Variants in ATXN2 observed in about 807,000 individuals in gnomAD.
ATXN2 encodes ataxin-2.
In ATXN2, 37 loss-of-function variants were observed where a neutral mutation model predicts 138.6. The observed-to-expected ratio is 0.27, with a 90% CI of 0.21 to 0.35. The LOEUF is 0.35. ATXN2 is among the 10% of genes least tolerant of loss of function. The pLI is 1.00. For synonymous variants in ATXN2, 549 were observed against 543.7 expected, an observed-to-expected ratio of 1.01 and a Z score of -0.13; for missense variants, 1,216 against 1,480.3, an observed-to-expected ratio of 0.82 and a Z score of 2.93.
intron 1 of ATXN2, among the ~76,000 whole-genome samples, chr12:111,578,093 A>G (rs1002779933): frequency 6.6e-6 from 1 of 152,148 alleles, no homozygotes; most frequent in Non-Finnish European, 1.5e-5. Context: ...GCTATTCAGG[A>G]GGTTGAGGCA....
intron 5 of ATXN2, among the ~76,000 whole-genome samples, chr12:111,535,999 C>CAAAAA (rs766582583): frequency 1.4e-4 from 9 of 65,826 alleles, no homozygotes; most frequent in African/African-American, 3.3e-4. Context: ...GACTCCGTCT[C>CAAAAA]AAAAAAAAAA....
chr12:111,466,803 T>C (rs1166343155), intron 20 of ATXN2, among the ~76,000 whole-genome samples: 1 of 152,196 alleles, frequency 6.6e-6, no homozygotes, highest in East Asian at 1.9e-4. Context: ...TGTTCTTCTG[T>C]TTGCATTAAA....
intron 7 of ATXN2, among the ~76,000 whole-genome samples, chr12:111,520,308 T>G (rs1436140006): frequency 6.6e-6 from 1 of 152,228 alleles, no homozygotes; most frequent in Non-Finnish European, 1.5e-5. Context: ...CTGGTTAAAC[T>G]GTTCACCATA....
intron 5 of ATXN2, among the ~76,000 whole-genome samples, chr12:111,543,823 T>C (rs1256714321): frequency 6.6e-6 from 1 of 152,104 alleles, no homozygotes; most frequent in Non-Finnish European, 1.5e-5. Flanking sequence ...GCACCTATAA[T>C]CCCATCACTT....
chr12:111,544,644 G>A (rs1469952534), intron 5 of ATXN2, among the ~76,000 whole-genome samples: 1 of 152,128 alleles, frequency 6.6e-6, no homozygotes, highest in Non-Finnish European at 1.5e-5. Flanking sequence ...AAACACTGGG[G>A]ACACACATCT....
At chr12:111,543,335 C>T (rs1881632997) in intron 5 of ATXN2, among the ~76,000 whole-genome samples, 1 of 152,206 alleles carries the variant, frequency 6.6e-6, no homozygotes, top group African/African-American at 2.4e-5. Context: ...AACACAACAG[C>T]ACACCAGAAT....
At chr12:111,554,702 G>A (rs147923790) in intron 2 of ATXN2, among the ~76,000 whole-genome samples, 115 of 152,260 alleles carry the variant, frequency 7.6e-4, no homozygotes, top group Admixed American at 5.9e-3. Flanking sequence ...AGAGAGGAGG[G>A]TTCACTGAAA....
At chr12:111,524,647 T>C (rs1880382299) in intron 6 of ATXN2, among the ~76,000 whole-genome samples, 1 of 152,170 alleles carries the variant, frequency 6.6e-6, no homozygotes. Context: ...AACTAGTATG[T>C]GACAAGAGGC....
At chr12:111,494,927 G>T (rs1878314065) in intron 14 of ATXN2, among the ~76,000 whole-genome samples, 1 of 152,152 alleles carries the variant, frequency 6.6e-6, no homozygotes, top group Non-Finnish European at 1.5e-5. Context: ...CAAAATGGTA[G>T]TAGTTAAGTC....
At chr12:111,481,510 T>C (rs1485157799) in intron 18 of ATXN2, among the ~76,000 whole-genome samples, 1 of 150,808 alleles carries the variant, frequency 6.6e-6, no homozygotes, top group East Asian at 2.0e-4. Flanking sequence ...CAAAGACATA[T>C]CGGTTATTTA....
At chr12:111,470,852 G>C (rs939496580) in intron 18 of ATXN2, 110 bp from the exon 19 acceptor site, 2 of 1,162,172 alleles carry the variant, frequency 1.7e-6, no homozygotes, top group Admixed American at 2.1e-5. Flanking sequence ...CTGCGTCTCT[G>C]ATGCCATCTC....
chr12:111,455,066 GA>G (rs1456601774), intron 23 of ATXN2: 1 of 702,918 alleles, frequency 1.4e-6, no homozygotes, highest in African/African-American at 1.7e-5. Flanking sequence ...CTGAGAGATA[GA>G]TCCAACTGAG....
intron 5 of ATXN2, among the ~76,000 whole-genome samples, chr12:111,525,665 T>C (rs953240980): frequency 7.3e-5 from 11 of 150,866 alleles, no homozygotes; most frequent in Admixed American, 7.3e-4. Flanking sequence ...TCTTTTCATA[T>C]AATTTTAAGC....
At chr12:111,594,944 T>G (rs1266133741) in intron 1 of ATXN2, among the ~76,000 whole-genome samples, 1 of 152,162 alleles carries the variant, frequency 6.6e-6, no homozygotes, top group African/African-American at 2.4e-5. Context: ...TCAAAACATC[T>G]TCACATATAT....
In ATXN2 at chr12:111,510,009, A is replaced by T. The variant is rs780272362; in HGVS notation, c.1757-11T>A. ...GCCTGGAATCTTTAGCTAGAAAACAATTTTTTAAAAAAAATTCAGATAAGT... is the reference window on the plus strand; with the variant it reads ...GCCTGGAATCTTTAGCTAGAAAACATTTTTTTAAAAAAAATTCAGATAAGT... On this transcript the variant is annotated splice_polypyrimidine_tract_variant and intron_variant, in intron 12 of 24. Coordinates refer to ENST00000673436, the MANE Select transcript of ATXN2 (RefSeq NM_001372574.1). The T allele has an allele frequency of 6.4e-7, 1 of 1,562,092 alleles. No homozygotes were observed. The highest frequency in any genetic ancestry group is 8.7e-7 in the Non-Finnish European group (1 of 1,148,746).
At chr12:111,462,260 T>C (rs1011399083) in intron 21 of ATXN2, among the ~76,000 whole-genome samples, 3 of 152,214 alleles carry the variant, frequency 2.0e-5, no homozygotes, top group Non-Finnish European at 4.4e-5. Context: ...TTGACATAAA[T>C]ATTTAAGATT....
intron 1 of ATXN2, among the ~76,000 whole-genome samples, chr12:111,574,152 A>G (rs1216058950): frequency 6.6e-6 from 1 of 151,222 alleles, no homozygotes; most frequent in Non-Finnish European, 1.5e-5. Context: ...CCAAAAATAC[A>G]AAAAAATTAG....
chr12:111,507,481 C>A (rs1035940321), intron 14 of ATXN2, among the ~76,000 whole-genome samples: 2 of 151,770 alleles, frequency 1.3e-5, no homozygotes, highest in African/African-American at 4.8e-5. Context: ...CCAACCCGTC[C>A]GGGAGGGAGG....
intron 19 of ATXN2, 39 bp downstream of exon 19, chr12:111,470,519 A>G (rs1437933698): frequency 6.3e-7 from 1 of 1,591,268 alleles, no homozygotes; most frequent in Non-Finnish European, 8.6e-7. Context: ...GTTTTTTTAT[A>G]TGGTACAAAA....
Sources: gnomAD v4.1 joint callset for allele counts (sites outside exome capture counted in the v4.1 genomes callset) on GRCh38, gnomAD v4.1.1 for gene constraint, MANE v1.5 for transcripts, NCBI Gene and HGNC (gene_info 2026-07-23, HGNC 2026-07-21) for gene names.